The following ABTB2 variants were observed in gnomAD, a reference collection of about 807,000 sequenced individuals.
ABTB2 encodes the protein ankyrin repeat and BTB/POZ domain-containing protein 2.
Under a neutral mutation model 104.1 loss-of-function variants are expected in ABTB2, and 56 were observed. The ratio of observed to expected loss-of-function variants is 0.54; its 90% CI spans 0.43 to 0.67. The LOEUF (loss-of-function observed/expected upper bound fraction) is 0.67, where lower values mean the gene tolerates loss of function less well. Among genes scored for constraint, ABTB2 ranks in the 30% least tolerant of loss-of-function variants. ABTB2 has a pLI of 0.00. For missense variants in ABTB2, 1,279 were observed against 1,407.7 expected (o/e 0.91, Z 1.46); for synonymous variants, 606 against 608.2 (o/e 1.00, Z 0.05).
In ABTB2 at chr11:34,172,394, AAAT is replaced by A. The variant is rs1358558303; in HGVS notation, c.1397+758_1397+760del. Among the ~76,000 whole-genome samples the A allele has an allele frequency of 2.5e-4, 10 of 40,718 alleles. 1 individual carries two copies. The highest frequency in any genetic ancestry group is 6.2e-4 in the East Asian group (1 of 1,610). 26.7% of individuals were successfully genotyped at this position (40,718 alleles called of 152,430 possible). ...CTCAAAAAAAAAAAAAAAAAAAAAAAAATATATATATATATATATATATATGTG... is the reference window on the plus strand; with the variant it reads ...CTCAAAAAAAAAAAAAAAAAAAAAAAATATATATATATATATATATATGTG... On this transcript the variant is annotated intron_variant, in intron 4 of 16. Transcript: ENST00000435224.
chr11:34,322,417 A>C lies in ABTB2; in HGVS notation c.883+34284T>G, dbSNP rs554711693. 2.6e-5 allele frequency among the ~76,000 whole-genome samples: 4 copies of C among 152,194 alleles called. No individual in the cohort carries two copies. In the East Asian group the frequency reaches 7.7e-4, roughly 29 times the overall value. Reference sequence around the variant, plus strand: ...ATGGTGAAACCCCACGTCTAATAAAATACAAAAATTAGCTGGGCATGGTGG... The same window carrying C: ...ATGGTGAAACCCCACGTCTAATAAACTACAAAAATTAGCTGGGCATGGTGG... On this transcript the variant is annotated intron_variant, in intron 1 of 16. Coordinates refer to ENST00000435224, the MANE Select transcript of ABTB2 (RefSeq NM_145804.3).
chr11:34,333,372 T>C (rs74725743), intron 1 of ABTB2, among the ~76,000 whole-genome samples: 1 of 152,150 alleles, frequency 6.6e-6, no homozygotes, highest in Non-Finnish European at 1.5e-5. Flanking sequence ...CTGGTCTTTA[T>C]GCATCCCAAT....
chr11:34,255,161 C>T (rs1367328064), intron 1 of ABTB2, among the ~76,000 whole-genome samples: 3 of 152,162 alleles, frequency 2.0e-5, no homozygotes, highest in African/African-American at 4.8e-5. Context: ...AGATCTGGCT[C>T]AAGCTGAATC....
At chr11:34,339,216 G>T (rs957698923) in intron 1 of ABTB2, among the ~76,000 whole-genome samples, 5 of 152,162 alleles carry the variant, frequency 3.3e-5, no homozygotes, top group Non-Finnish European at 7.3e-5. Context: ...AGGATTACAG[G>T]TGTGAGAACC....
chr11:34,267,609 G>C (rs1323494951), intron 1 of ABTB2, among the ~76,000 whole-genome samples: 2 of 152,222 alleles, frequency 1.3e-5, no homozygotes, highest in East Asian at 3.8e-4. Context: ...GTGAGTTGAA[G>C]GTTTGAAAAG....
intron 1 of ABTB2, among the ~76,000 whole-genome samples, chr11:34,286,260 C>T (rs79905201): frequency 2.8e-4 from 43 of 151,850 alleles, no homozygotes; most frequent in African/African-American, 9.9e-4. Context: ...GAGTTCAAGA[C>T]GAGCCTGGGC....
chr11:34,308,676 C>T (rs1294198724), intron 1 of ABTB2, among the ~76,000 whole-genome samples: 1 of 151,896 alleles, frequency 6.6e-6, no homozygotes, highest in Non-Finnish European at 1.5e-5. Context: ...TCAAGACCAG[C>T]CTGGCCAACA....
chr11:34,161,368 A>C (rs1175835685), intron 10 of ABTB2, among the ~76,000 whole-genome samples: 1 of 152,152 alleles, frequency 6.6e-6, no homozygotes, highest in African/African-American at 2.4e-5. Flanking sequence ...AATGCAGGGA[A>C]CTCAAGCTCT....
chr11:34,242,495 C>T (rs369806258), intron 1 of ABTB2: 1 of 152,288 alleles, frequency 6.6e-6, no homozygotes, highest in Non-Finnish European at 1.5e-5. Context: ...TCACGCGCCC[C>T]TGTATGTACC....
At chr11:34,179,889 C>T (rs1421644136) in intron 3 of ABTB2, among the ~76,000 whole-genome samples, 8 of 152,130 alleles carry the variant, frequency 5.3e-5, no homozygotes, top group Non-Finnish European at 1.0e-4. Context: ...TCACCTCTCC[C>T]GGTCTCAGTT....
At chr11:34,272,302 C>CAAAAAAA (rs60997940) in intron 1 of ABTB2, among the ~76,000 whole-genome samples, 15 of 80,738 alleles carry the variant, frequency 1.9e-4, no homozygotes, top group African/African-American at 4.2e-4. Flanking sequence ...CAGGAAGCTG[C>CAAAAAAA]AAAAAAAAAA....
intron 1 of ABTB2, among the ~76,000 whole-genome samples, chr11:34,337,261 G>A (rs1376033397): frequency 2.0e-5 from 3 of 152,228 alleles, no homozygotes; most frequent in East Asian, 1.9e-4. Context: ...TGCATGCAGG[G>A]GCTGTGTAGG....
chr11:34,196,487 G>A (rs2133035695), intron 3 of ABTB2, among the ~76,000 whole-genome samples: 1 of 152,288 alleles, frequency 6.6e-6, no homozygotes, highest in South Asian at 2.1e-4. Flanking sequence ...CTTGGAGGTG[G>A]AGCTTGCAGT....
At chr11:34,158,211 G>A (rs1475000580) in intron 14 of ABTB2, among the ~76,000 whole-genome samples, 3 of 152,194 alleles carry the variant, frequency 2.0e-5, no homozygotes, top group African/African-American at 7.2e-5. Context: ...TTAGAAGATC[G>A]AGACCATCCT....
rs1188138850 is a variant in ABTB2, at chr11:34,298,156, A to G, written c.883+58545T>C. On this transcript the variant is annotated intron_variant, in intron 1 of 16. Coordinates refer to ENST00000435224, the MANE Select transcript of ABTB2 (RefSeq NM_145804.3). ...TATAACAGCATAAACAGACTAAGACACTCAGAGAAACCAAACTGACTTGCC... is the reference window on the plus strand; with the variant it reads ...TATAACAGCATAAACAGACTAAGACGCTCAGAGAAACCAAACTGACTTGCC... 3.3e-5 allele frequency among the ~76,000 whole-genome samples: 5 copies of G among 151,650 alleles called. No individual in the cohort carries two copies. The East Asian group carries it at 7.7e-4, about 23-fold the overall frequency.
At chr11:34,176,459 GC>G (rs1724172882) in intron 3 of ABTB2, among the ~76,000 whole-genome samples, 1 of 152,066 alleles carries the variant, frequency 6.6e-6, no homozygotes, top group African/African-American at 2.4e-5. Flanking sequence ...CCAGCCTGGG[GC>G]CTGACATGGC....
In ABTB2 at chr11:34,154,569, G is replaced by A; in HGVS notation, c.2766+132C>T. 1.0e-6 allele frequency: 1 copy of A among 985,100 alleles called. No homozygotes were observed. 61.0% of individuals were successfully genotyped at this position (985,100 alleles called of 1,614,324 possible). A position where few individuals can be genotyped will look rare whatever the true frequency, so the allele number is the denominator to read the frequency against. On this transcript the variant is annotated intron_variant, in intron 15 of 16. Transcript: ENST00000435224. The surrounding 1 kb of genome is among the most constrained non-coding windows in gnomAD (Gnocchi z 4.9). ...GAGGCTGGGCTCAGTGGTGTGCACA[G>A]TTCCTCTTTCTGGGAACTGCTCTTC...
chr11:34,293,711 A>C (rs1854588626), intron 1 of ABTB2, among the ~76,000 whole-genome samples: 1 of 151,958 alleles, frequency 6.6e-6, no homozygotes, highest in Non-Finnish European at 1.5e-5. Context: ...GGTAAGGGTA[A>C]GGAAAACAAG....
chr11:34,288,632 C>T (rs928745438), intron 1 of ABTB2, among the ~76,000 whole-genome samples: 13 of 151,560 alleles, frequency 8.6e-5, no homozygotes, highest in African/African-American at 2.2e-4. Context: ...AGGGTAGGGG[C>T]GGGAGGGGGT....
Sources: allele counts gnomAD v4.1 joint callset (sites outside exome capture counted in the v4.1 genomes callset), GRCh38; gene constraint gnomAD v4.1.1; non-coding constraint Gnocchi (gnomAD v3.1); transcripts MANE v1.5; gene names NCBI Gene and HGNC (gene_info 2026-07-23, HGNC 2026-07-21).